The following GPHN variants were observed in gnomAD, a reference collection of about 807,000 sequenced individuals.
GPHN encodes gephyrin.
GPHN carries 17 observed loss-of-function variants against 95.5 expected under a neutral mutation model. The observed-to-expected ratio is 0.18, with a 90% CI of 0.12 to 0.27. The LOEUF is 0.27. GPHN is among the 10% of genes least tolerant of loss of function. The pLI, the probability that GPHN is intolerant of heterozygous loss-of-function variation, is 1.00. For missense variants in GPHN, 660 were observed against 978.1 expected, an observed-to-expected ratio of 0.67 and a Z score of 4.34; for synonymous variants, 320 against 322.5, an observed-to-expected ratio of 0.99 and a Z score of 0.08.
chr14:66,810,931 T>C (rs2060735505), intron 3 of GPHN, among the ~76,000 whole-genome samples: 1 of 152,182 alleles, frequency 6.6e-6, no homozygotes, highest in African/African-American at 2.4e-5. Flanking sequence ...CTTCCCTGCC[T>C]TACAGTCAGA....
chr14:67,169,005 T>G lies in GPHN; in HGVS notation c.2048T>G (p.Leu683Trp). The G allele has an allele frequency of 6.2e-7, 1 of 1,613,400 alleles. No homozygotes were observed. The highest frequency in any genetic ancestry group is 8.5e-7 in the Non-Finnish European group (1 of 1,179,344). The change falls in exon 21 of 23, where the codon TTG (leucine) becomes TGG (tryptophan). Residue 683 changes from leucine (L) to tryptophan (W), a missense_variant. Coordinates refer to ENST00000478722, the MANE Select transcript of GPHN (RefSeq NM_020806.5). ...GCACTGAGGAAAATGCAGGGCATCT[T>G]GGATCCTCGGCCAACCATCATCAAA... is the stretch of plus-strand genomic sequence containing the variant. ...VPALRKMQGI[L>W]DPRPTIIKAR...
chr14:66,657,663 T>C (rs1202842104), intron 1 of GPHN, among the ~76,000 whole-genome samples: 1 of 152,116 alleles, frequency 6.6e-6, no homozygotes, highest in Non-Finnish European at 1.5e-5. Flanking sequence ...GCTCTATAAA[T>C]GAAACAACAA....
chr14:66,742,728 C>A (rs1300619152), intron 2 of GPHN, among the ~76,000 whole-genome samples: 1 of 151,924 alleles, frequency 6.6e-6, no homozygotes, highest in African/African-American at 2.4e-5. Context: ...GAATTTCTGG[C>A]CTTCATTTGT....
intron 4 of GPHN, among the ~76,000 whole-genome samples, chr14:66,853,191 G>T (rs1258085996): frequency 6.6e-6 from 1 of 152,124 alleles, no homozygotes; most frequent in Non-Finnish European, 1.5e-5. Flanking sequence ...TAAAAATCAA[G>T]TAAAGAGTAA....
the GPHN span, among the ~76,000 whole-genome samples, chr14:67,667,661 G>A: frequency 6.6e-6 from 1 of 152,168 alleles, no homozygotes; most frequent in Non-Finnish European, 1.5e-5. Flanking sequence ...TGAGGAGTTA[G>A]AGGCCAGGCG....
At chr14:67,332,921 G>A in the GPHN span, 1 of 1,613,458 alleles carries the variant, frequency 6.2e-7, no homozygotes, top group Non-Finnish European at 8.5e-7. Flanking sequence ...ACTTGATACT[G>A]AACCTCAGTG....
the GPHN span, chr14:67,562,614 C>A: frequency 1.2e-6 from 2 of 1,612,864 alleles, no homozygotes; most frequent in South Asian, 2.2e-5. Context: ...ATCCAGTTGG[C>A]CAAAAGGCAC....
At chr14:67,282,867 A>G in the GPHN span, among the ~76,000 whole-genome samples, 1 of 152,098 alleles carries the variant, frequency 6.6e-6, no homozygotes, top group South Asian at 2.1e-4. Flanking sequence ...AGAGTAGGGT[A>G]ATTTTCATAT....
At chr14:66,814,889 T>A (rs1003962361) in intron 3 of GPHN, among the ~76,000 whole-genome samples, 3 of 152,100 alleles carry the variant, frequency 2.0e-5, no homozygotes, top group Admixed American at 2.0e-4. Flanking sequence ...ATGTTGAAAC[T>A]CAGTGCAAAG....
intron 19 of GPHN, among the ~76,000 whole-genome samples, chr14:67,164,120 T>C (rs879730249): frequency 1.9e-4 from 28 of 151,336 alleles, no homozygotes; most frequent in Non-Finnish European, 4.0e-4. Flanking sequence ...AAAACAAAAT[T>C]AGCCGGGCGT....
At chr14:67,211,665 A>G in the GPHN span, among the ~76,000 whole-genome samples, 2 of 152,180 alleles carry the variant, frequency 1.3e-5, no homozygotes, top group Non-Finnish European at 2.9e-5. Flanking sequence ...AGTGGCTCAC[A>G]CGCCTGTAAT....
intron 2 of GPHN, among the ~76,000 whole-genome samples, chr14:66,724,271 A>AT (rs1249979600): frequency 5.3e-5 from 8 of 151,608 alleles, no homozygotes; most frequent in African/African-American, 1.7e-4. Context: ...CTGATAGGTA[A>AT]TTTTTTTTAT....
At chr14:67,592,773 TTTTTTC>T in the GPHN span, 1 of 1,076,568 alleles carries the variant, frequency 9.3e-7, no homozygotes, top group Admixed American at 1.9e-5. Context: ...TTTGCATTCT[TTTTTTC>T]TTTTTCCTTT....
At chr14:67,109,663 C>A (rs1290751994) in intron 13 of GPHN, among the ~76,000 whole-genome samples, 1 of 152,128 alleles carries the variant, frequency 6.6e-6, no homozygotes, top group Non-Finnish European at 1.5e-5. Flanking sequence ...ATATTTCTGG[C>A]TTGCCTTTAT....
intron 17 of GPHN, among the ~76,000 whole-genome samples, chr14:67,127,398 A>G (rs1224923321): frequency 6.6e-6 from 1 of 152,182 alleles, no homozygotes; most frequent in Non-Finnish European, 1.5e-5. Context: ...TATTTTAAAA[A>G]GATCAATTGA....
At chr14:66,838,917 G>A (rs1210474123) in intron 4 of GPHN, among the ~76,000 whole-genome samples, 1 of 152,118 alleles carries the variant, frequency 6.6e-6, no homozygotes, top group East Asian at 1.9e-4. Context: ...TGTTGTTACT[G>A]CCTGCCATAA....
At chr14:66,580,313 C>T (rs1029564021) in intron 1 of GPHN, among the ~76,000 whole-genome samples, 1 of 151,654 alleles carries the variant, frequency 6.6e-6, no homozygotes, top group African/African-American at 2.4e-5. Context: ...AAAAATAACA[C>T]ACTAAGCCCA....
At chr14:67,443,620 G>T in the GPHN span, among the ~76,000 whole-genome samples, 1 of 151,910 alleles carries the variant, frequency 6.6e-6, no homozygotes, top group Non-Finnish European at 1.5e-5. Context: ...AAAAATGTAG[G>T]TACCAGACAC....
At chr14:67,253,637 G>C in the GPHN span, among the ~76,000 whole-genome samples, 120 of 152,174 alleles carry the variant, frequency 7.9e-4, 1 homozygote, top group African/African-American at 2.7e-3. Context: ...TTGAGCCCAG[G>C]AGTTCCAGAC....
Sources: gnomAD v4.1 joint callset for allele counts (sites outside exome capture counted in the v4.1 genomes callset) on GRCh38, gnomAD v4.1.1 for gene constraint, MANE v1.5 for transcripts, NCBI Gene and HGNC (gene_info 2026-07-23, HGNC 2026-07-21) for gene names.